GPC6: variants seen among roughly 807,000 people sequenced by gnomAD.
GPC6 encodes glypican-6.
In GPC6, 14 loss-of-function variants were observed where a neutral mutation model predicts 55.2. The ratio of observed to expected loss-of-function variants is 0.25; its 90% CI spans 0.17 to 0.40. GPC6 has a LOEUF of 0.40. Ranked by LOEUF, GPC6 falls within the 10% of genes least tolerant of loss-of-function variation. The pLI, the probability that GPC6 is intolerant of heterozygous loss-of-function variation, is 1.00. For synonymous variants in GPC6, 278 were observed against 259.6 expected, an observed-to-expected ratio of 1.07 and a Z score of -0.68; for missense variants, 641 against 708.5, an observed-to-expected ratio of 0.90 and a Z score of 1.08.
At chr13:94,107,795 C>T (rs1355526765) in intron 4 of GPC6, among the ~76,000 whole-genome samples, 2 of 152,074 alleles carry the variant, frequency 1.3e-5, no homozygotes, top group South Asian at 2.1e-4. Flanking sequence ...AAATGCTCAA[C>T]ATCACTAACG....
At chr13:94,356,445 CAT>C (rs1878799821) in intron 6 of GPC6, among the ~76,000 whole-genome samples, 1 of 150,626 alleles carries the variant, frequency 6.6e-6, no homozygotes, top group African/African-American at 2.5e-5. Context: ...ATGTAGGCTC[CAT>C]AAAGGAAGGG....
At chr13:93,523,345 G>A (rs1881512716) in intron 1 of GPC6, among the ~76,000 whole-genome samples, 1 of 149,566 alleles carries the variant, frequency 6.7e-6, no homozygotes, top group South Asian at 2.1e-4. Context: ...ATGTGTATAT[G>A]TATATAAACA....
At chr13:93,546,233 T>C (rs1874780393) in intron 2 of GPC6, among the ~76,000 whole-genome samples, 1 of 152,218 alleles carries the variant, frequency 6.6e-6, no homozygotes, top group Non-Finnish European at 1.5e-5. Flanking sequence ...TTTGGCTCCG[T>C]TGGTCCTACA....
intron 1 of GPC6, among the ~76,000 whole-genome samples, chr13:93,380,106 A>G (rs990021813): frequency 6.6e-6 from 1 of 152,138 alleles, no homozygotes; most frequent in African/African-American, 2.4e-5. Context: ...GCAGGAGAAA[A>G]TATCTCTCTG....
chr13:93,359,999 A>G (rs1241281560), intron 1 of GPC6, among the ~76,000 whole-genome samples: 1 of 152,190 alleles, frequency 6.6e-6, no homozygotes, highest in Admixed American at 6.5e-5. Context: ...TTTACTCTTT[A>G]CCCTAAGTCA....
intron 1 of GPC6, among the ~76,000 whole-genome samples, chr13:93,233,967 T>C (rs1326247325): frequency 6.6e-6 from 1 of 152,236 alleles, no homozygotes; most frequent in African/African-American, 2.4e-5. Flanking sequence ...GTCAAGTTTC[T>C]ACACATCCAG....
At chr13:93,479,192 A>T (rs1359721998) in intron 1 of GPC6, among the ~76,000 whole-genome samples, 1 of 152,186 alleles carries the variant, frequency 6.6e-6, no homozygotes, top group African/African-American at 2.4e-5. Context: ...AAAAATGTGA[A>T]TTTAGCATTT....
chr13:93,381,799 A>G (rs9561334), intron 1 of GPC6, among the ~76,000 whole-genome samples: 15,090 of 152,092 alleles, frequency 0.099, 1,187 homozygotes, highest in East Asian at 0.36. Flanking sequence ...TTTCCACCAC[A>G]TCACACTGCT....
intron 7 of GPC6, among the ~76,000 whole-genome samples, chr13:94,391,588 T>C (rs1408005805): frequency 1.3e-5 from 2 of 152,334 alleles, no homozygotes; most frequent in African/African-American, 4.8e-5. Context: ...AAGTAATTCT[T>C]ATCAAGAACT....
At chr13:94,257,024 CA>C (rs1891527842) in intron 4 of GPC6, among the ~76,000 whole-genome samples, 1 of 152,060 alleles carries the variant, frequency 6.6e-6, no homozygotes, top group South Asian at 2.1e-4. Flanking sequence ...AGAACTCAAG[CA>C]TTCTCCTCAC....
chr13:93,722,154 G>T (rs1315367741), intron 2 of GPC6, among the ~76,000 whole-genome samples: 2 of 151,586 alleles, frequency 1.3e-5, no homozygotes, highest in African/African-American at 4.8e-5. Flanking sequence ...AAGATTAAGG[G>T]ATAATATTAA....
intron 4 of GPC6, among the ~76,000 whole-genome samples, chr13:94,104,729 G>A (rs1322969236): frequency 6.6e-6 from 1 of 152,008 alleles, no homozygotes; most frequent in African/African-American, 2.4e-5. Flanking sequence ...GCTTCAAAGA[G>A]AATAAAATAC....
chr13:93,496,173 G>C (rs1402393389), intron 1 of GPC6, among the ~76,000 whole-genome samples: 2 of 152,104 alleles, frequency 1.3e-5, no homozygotes, highest in East Asian at 3.9e-4. Context: ...AGCAATCAGC[G>C]AGAGTCCGTG....
intron 3 of GPC6, among the ~76,000 whole-genome samples, chr13:93,983,802 A>G (rs1383426653): frequency 1.3e-5 from 2 of 151,806 alleles, no homozygotes; most frequent in Admixed American, 6.6e-5. Flanking sequence ...AAAAAAGCAA[A>G]CATCACTAAC....
At chr13:93,287,732 CG>C (rs1466308501) in intron 1 of GPC6, among the ~76,000 whole-genome samples, 6 of 151,996 alleles carry the variant, frequency 3.9e-5, no homozygotes, top group African/African-American at 1.2e-4. Context: ...ATGTGTATTA[CG>C]GGGGGAAATG....
intron 2 of GPC6, among the ~76,000 whole-genome samples, chr13:93,701,454 A>T (rs1311068601): frequency 6.6e-6 from 1 of 151,906 alleles, no homozygotes; most frequent in East Asian, 1.9e-4. Context: ...TTTTTTTCTG[A>T]TGGAGGGTAT....
intron 3 of GPC6, among the ~76,000 whole-genome samples, chr13:93,912,385 A>T (rs1206243654): frequency 6.6e-6 from 1 of 152,114 alleles, no homozygotes; most frequent in East Asian, 1.9e-4. Flanking sequence ...ATTCTTGTTC[A>T]TGATAGGGTG....
At chr13:93,939,226 T>C (rs923601420) in intron 3 of GPC6, among the ~76,000 whole-genome samples, 5 of 151,480 alleles carry the variant, frequency 3.3e-5, no homozygotes. Context: ...CTGAATAGTT[T>C]AGATTGTCAA....
chr13:94,028,516 A>C (rs1882992835), intron 4 of GPC6, among the ~76,000 whole-genome samples: 1 of 151,698 alleles, frequency 6.6e-6, no homozygotes, highest in African/African-American at 2.4e-5. Context: ...TTGTAAAAAA[A>C]AAAAAGTCCA....
Sources: allele counts gnomAD v4.1 joint callset (sites outside exome capture counted in the v4.1 genomes callset), GRCh38; gene constraint gnomAD v4.1.1; transcripts MANE v1.5; gene names NCBI Gene and HGNC (gene_info 2026-07-23, HGNC 2026-07-21).